FAHD2A: variants seen among roughly 807,000 people sequenced by gnomAD.
FAHD2A encodes the protein oxaloacetate tautomerase FAHD2A, mitochondrial.
Under a neutral mutation model 33.4 loss-of-function variants are expected in FAHD2A, and 27 were observed. That is an observed-to-expected ratio of 0.81 (90% CI 0.60 to 1.11). FAHD2A has a LOEUF of 1.11. Among genes scored for constraint, FAHD2A ranks in the 50% most tolerant of loss-of-function variants. The probability of loss-of-function intolerance (pLI) is 0.00; values close to 1 mark genes in which losing one functional copy is unlikely to be tolerated. For missense variants in FAHD2A, 296 were observed against 395.0 expected, an observed-to-expected ratio of 0.75 and a Z score of 2.12; for synonymous variants, 130 against 153.3, an observed-to-expected ratio of 0.85 and a Z score of 1.12.
Position 95,413,888 on chromosome 2 carries a change from C to G in FAHD2A, c.*931C>G. ...GCCCTGTGGGGTGATGGGAACATAG[C>G]TGGGTTTCCCTGAGCCACTCTATTG... On this transcript the variant is annotated 3_prime_UTR_variant, in exon 8 of 8. Coordinates refer to ENST00000233379, the MANE Select transcript of FAHD2A (RefSeq NM_016044.3). The G allele has an allele frequency of 1.1e-6, 1 of 915,608 alleles. No individual in the cohort carries two copies. The highest frequency in any genetic ancestry group is 1.8e-6 in the Non-Finnish European group (1 of 551,084). The allele number at this position is 915,608 out of a possible 1,614,324, so 56.7% of individuals were successfully genotyped here.
At position 95,413,803 on chromosome 2, in the gene FAHD2A, C is replaced by G; in HGVS notation, c.*846C>G. On this transcript the variant is annotated 3_prime_UTR_variant, in exon 8 of 8. Transcript: ENST00000233379. ...TCCCACCTTCTCCAACCCATCACCACGTCTATTGCTGGAAGACACCAAGTA... is the reference window on the plus strand; with the variant it reads ...TCCCACCTTCTCCAACCCATCACCAGGTCTATTGCTGGAAGACACCAAGTA... 8 of 715,256 alleles carry G rather than the reference C, an allele frequency of 1.1e-5. 1 individual carries two copies. The highest frequency in any genetic ancestry group is 4.0e-4 in the Middle Eastern group (1 of 2,470). The allele number at this position is 715,256 out of a possible 1,614,324, so 44.3% of individuals were successfully genotyped here. A position where few individuals can be genotyped will look rare whatever the true frequency, so the allele number is the denominator to read the frequency against.
intron 1 of FAHD2A, among the ~76,000 whole-genome samples, chr2:95,404,622 C>T (rs1330246077): frequency 6.6e-6 from 1 of 152,228 alleles, no homozygotes; most frequent in East Asian, 1.9e-4. Context: ...GCCATGTCTC[C>T]TGAAGTTAAC....
chr2:95,414,100 G>A lies in FAHD2A; in HGVS notation c.*1143G>A. 2 of 1,440,278 alleles carry A rather than the reference G, an allele frequency of 1.4e-6. No homozygotes were observed. The highest frequency in any genetic ancestry group is 2.3e-5 in the East Asian group (1 of 43,966). 89.2% of individuals were successfully genotyped at this position (1,440,278 alleles called of 1,614,324 possible). ...GGCTTCTCTCCTCTTGTTTAAAGAA[G>A]CCCAGGGAGGGATAGATCTCCGACT... On this transcript the variant is annotated 3_prime_UTR_variant, in exon 8 of 8. Transcript: ENST00000233379.
Position 95,402,735 on chromosome 2 carries a change from T to G in FAHD2A, c.-144T>G, listed in dbSNP as rs1680927026. ...TTTTCTCTCGGGTGATCCGGCCGAG[T>G]GGCCCTGGGTTAGCAGCTGCTGCAT... On this transcript the variant is annotated 5_prime_UTR_variant, in exon 1 of 8. Transcript: ENST00000233379. The G allele has an allele frequency of 6.6e-6, 1 of 152,120 alleles. No homozygotes were observed. Among genetic ancestry groups the G allele is most frequent in the Non-Finnish European group, 1.5e-5 (1 of 68,036 alleles). The allele number at this position is 152,120 out of a possible 1,614,324, so 9.4% of individuals were successfully genotyped here. A position where few individuals can be genotyped will look rare whatever the true frequency, so the allele number is the denominator to read the frequency against.
rs1340980629 is a variant in FAHD2A, at chr2:95,407,181, C to G, written c.462+24C>G. On this transcript the variant is annotated intron_variant, in intron 3 of 7. Transcript: ENST00000233379. ...AGGTCAGTGTCTCCCCACTGCCCTC[C>G]CTAGTCACTGGGCCCATCACAAGGG... is the stretch of plus-strand genomic sequence containing the variant. The G allele has an allele frequency of 2.5e-6, 4 of 1,611,712 alleles. No individual in the cohort carries two copies. In the Admixed American group the frequency reaches 6.7e-5, roughly 27 times the overall value.
Position 95,415,941 on chromosome 2 carries a change from A to C in FAHD2A, c.*2984A>C, listed in dbSNP as rs1246100809. On this transcript the variant is annotated 3_prime_UTR_variant, in exon 8 of 8. Transcript: ENST00000233379. ...CTGTTAAGGCCGTCGAGAGCATCAA[A>C]TGCTACTGTTCAGCAGGTGCCTGAC... 2 of 152,200 alleles carry C rather than the reference A, an allele frequency of 1.3e-5. No individual in the cohort carries two copies. The highest frequency in any genetic ancestry group is 4.8e-5 in the African/African-American group (2 of 41,444). The allele number at this position is 152,200 out of a possible 1,614,324, so 9.4% of individuals were successfully genotyped here.
In FAHD2A at chr2:95,412,479, T is replaced by G. The variant is rs763401009; in HGVS notation, c.731T>G (p.Val244Gly). 6.2e-7 allele frequency: 1 copy of G among 1,613,940 alleles called. No homozygotes were observed. Among genetic ancestry groups the G allele is most frequent in the Non-Finnish European group, 8.5e-7 (1 of 1,179,866 alleles). Residue 244 changes from valine (V) to glycine (G), a missense_variant, in exon 6 of 8, where the codon GTC (valine) becomes GGC (glycine). By Grantham distance (109) the Val-to-Gly change is moderately radical. Coordinates refer to ENST00000233379, the MANE Select transcript of FAHD2A (RefSeq NM_016044.3). The stretch of plus-strand genomic sequence containing the variant: ...TGCTGCCGAGTGAATGGGGAAGTGG[T>G]CCAGAGCGGCAACACCAACCAGATG... ...KICCRVNGEV[V>G]QSGNTNQMVF... is the part of the protein sequence containing the mutation.
chr2:95,413,544 A>G lies in FAHD2A; in HGVS notation c.*587A>G. The G allele has an allele frequency of 6.3e-7, 1 of 1,593,860 alleles. No individual in the cohort carries two copies. ...GGGACAGGTGGAGCCTGGGGCCTGC[A>G]GGGCTCGGCGTCTGCTGCAGAACCT... On this transcript the variant is annotated 3_prime_UTR_variant, in exon 8 of 8. Coordinates refer to ENST00000233379, the MANE Select transcript of FAHD2A (RefSeq NM_016044.3).
In FAHD2A at chr2:95,415,523, C is replaced by A. The variant is rs1573592902; in HGVS notation, c.*2566C>A. On this transcript the variant is annotated 3_prime_UTR_variant, in exon 8 of 8. Coordinates refer to ENST00000233379, the MANE Select transcript of FAHD2A (RefSeq NM_016044.3). ...ATTCTCTTGATTCGGTAAACACAAG[C>A]TGAATAAATTTATAAATATCAGCAT... The A allele has an allele frequency of 3.3e-5, 5 of 152,608 alleles. No homozygotes were observed. The East Asian group carries it at 9.6e-4, about 29-fold the overall frequency. The allele number at this position is 152,608 out of a possible 1,614,324, so 9.5% of individuals were successfully genotyped here.
downstream of FAHD2A, among the ~76,000 whole-genome samples, chr2:95,418,654 C>G (rs958022889): frequency 6.6e-6 from 1 of 151,926 alleles, no homozygotes; most frequent in African/African-American, 2.4e-5. Flanking sequence ...CTGCAGGACA[C>G]TCACAAAGAT....
chr2:95,414,305 G>A lies in FAHD2A; in HGVS notation c.*1348G>A. ...AGGAACTGGAACAGCTGTTGGAGAG[G>A]AGAAGAAAAAGAAGACATCAAAAAG... is the stretch of plus-strand genomic sequence containing the variant. On this transcript the variant is annotated 3_prime_UTR_variant, in exon 8 of 8. Coordinates refer to ENST00000233379, the MANE Select transcript of FAHD2A (RefSeq NM_016044.3). 8.6e-7 allele frequency: 1 copy of A among 1,164,600 alleles called. No homozygotes were observed. The highest frequency in any genetic ancestry group is 1.3e-6 in the Non-Finnish European group (1 of 776,320). 72.1% of individuals were successfully genotyped at this position (1,164,600 alleles called of 1,614,324 possible).
rs867886113 is a variant in FAHD2A at position 95,414,593 on chromosome 2, T to C, written c.*1636T>C. The stretch of plus-strand genomic sequence containing the variant: ...CCTCCTCCCTGCTCCAGAATTCTAC[T>C]TGGTGCCCCCCAACCCCACTCGACT... On this transcript the variant is annotated 3_prime_UTR_variant, in exon 8 of 8. Coordinates refer to ENST00000233379, the MANE Select transcript of FAHD2A (RefSeq NM_016044.3). 2.2e-4 allele frequency: 57 copies of C among 259,036 alleles called. No homozygotes were observed. The highest frequency in any genetic ancestry group is 1.4e-3 in the Middle Eastern group (1 of 724). The allele number at this position is 259,036 out of a possible 1,614,324, so 16.0% of individuals were successfully genotyped here. A position where few individuals can be genotyped will look rare whatever the true frequency, so the allele number is the denominator to read the frequency against.
rs1682312115 is a variant in FAHD2A, at chr2:95,410,560, A to T, written c.496A>T (p.Ile166Phe). ...VDWEVELAVV[I>F]GKKGKHIKAT... The stretch of plus-strand genomic sequence containing the variant: ...TTGGGAAGTGGAGCTGGCCGTGGTC[A>T]TTGGAAAGAAAGGCAAGCACATCAA... The change falls in exon 4 of 8, where the codon ATT becomes TTT. Residue 166 changes from isoleucine (I) to phenylalanine (F), a missense_variant. Transcript: ENST00000233379. 3 of 1,613,142 alleles carry T rather than the reference A, an allele frequency of 1.9e-6. No individual in the cohort carries two copies. In the Admixed American group the frequency reaches 5.0e-5, roughly 27 times the overall value.
chr2:95,413,235 CA>C lies in FAHD2A; in HGVS notation c.*283del. 2.5e-6 allele frequency: 3 copies of C among 1,192,150 alleles called. No individual in the cohort carries two copies. The highest frequency in any genetic ancestry group is 1.5e-5 in the African/African-American group (1 of 64,562). 73.8% of individuals were successfully genotyped at this position (1,192,150 alleles called of 1,614,324 possible). Reference sequence around the variant, plus strand: ...AGAGAGCAAATACACACACATATGCCAAAAAGATGCTGCTGGGCTGGGGAAA... The same window carrying C: ...AGAGAGCAAATACACACACATATGCCAAAAGATGCTGCTGGGCTGGGGAAA... On this transcript the variant is annotated 3_prime_UTR_variant, in exon 8 of 8. Transcript: ENST00000233379.
Position 95,411,011 on chromosome 2 carries a change from A to C in FAHD2A, c.670A>C (p.Lys224Gln). 2.5e-6 allele frequency: 4 copies of C among 1,613,984 alleles called. No individual in the cohort carries two copies. The highest frequency in any genetic ancestry group is 3.4e-6 in the Non-Finnish European group (4 of 1,179,856). Residue 224 changes from lysine to glutamine, a missense_variant, in exon 5 of 8, where the codon AAG becomes CAG. Lys to Gln is a moderately conservative substitution (Grantham distance 53). Transcript: ENST00000233379. ...CCCTCTGGGCCCTGCCTTGGTGACCAAGGACAGTGTAGCAGGTAGGTCCCT... is the reference window on the plus strand; with the variant it reads ...CCCTCTGGGCCCTGCCTTGGTGACCCAGGACAGTGTAGCAGGTAGGTCCCT... ...FCPLGPALVTKDSVADPHNLK... is the reference protein window; with the variant it reads ...FCPLGPALVTQDSVADPHNLK...
At chr2:95,404,190 T>TA (rs1681155580) in intron 1 of FAHD2A, among the ~76,000 whole-genome samples, 1 of 152,114 alleles carries the variant, frequency 6.6e-6, no homozygotes, top group Non-Finnish European at 1.5e-5. Flanking sequence ...GAAGGCACCA[T>TA]GTGGTAAGGA....
intron 2 of FAHD2A, among the ~76,000 whole-genome samples, chr2:95,406,063 T>A (rs1373208191): frequency 1.3e-5 from 2 of 151,166 alleles, no homozygotes; most frequent in Non-Finnish European, 3.0e-5. Flanking sequence ...CAGGACTCTA[T>A]ACTTCATCAC....
chr2:95,407,302 T>C, intron 3 of FAHD2A, 145 bp downstream of exon 3: 2 of 1,229,088 alleles, frequency 1.6e-6, no homozygotes, highest in East Asian at 2.5e-5. Flanking sequence ...GTAGTAACAC[T>C]GGCCTTGGAA....
At position 95,414,100 on chromosome 2, in the gene FAHD2A, G is replaced by C; in HGVS notation, c.*1143G>C. 3 of 1,440,278 alleles carry C rather than the reference G, an allele frequency of 2.1e-6. No homozygotes were observed. The highest frequency in any genetic ancestry group is 2.9e-6 in the Non-Finnish European group (3 of 1,032,830). The allele number at this position is 1,440,278 out of a possible 1,614,324, so 89.2% of individuals were successfully genotyped here. ...GGCTTCTCTCCTCTTGTTTAAAGAA[G>C]CCCAGGGAGGGATAGATCTCCGACT... On this transcript the variant is annotated 3_prime_UTR_variant, in exon 8 of 8. Coordinates refer to ENST00000233379, the MANE Select transcript of FAHD2A (RefSeq NM_016044.3).
Sources: gnomAD v4.1 joint callset for allele counts (sites outside exome capture counted in the v4.1 genomes callset) on GRCh38, gnomAD v4.1.1 for gene constraint, MANE v1.5 for transcripts, NCBI Gene and HGNC (gene_info 2026-07-23, HGNC 2026-07-21) for gene names.